BICC1: variants seen among roughly 807,000 people sequenced by gnomAD.
The protein encoded by BICC1 is BicC family RNA binding protein 1, also known as protein bicaudal C homolog 1.
BICC1 carries 43 observed loss-of-function variants against 111.0 expected under a neutral mutation model. The ratio of observed to expected loss-of-function variants is 0.39; its 90% CI spans 0.30 to 0.50. BICC1 has a LOEUF of 0.50. BICC1 is among the 20% of genes least tolerant of loss of function. The pLI, the probability that BICC1 is intolerant of heterozygous loss-of-function variation, is 0.88. For synonymous variants in BICC1, 467 were observed against 434.4 expected, an observed-to-expected ratio of 1.07 and a Z score of -0.93; for missense variants, 1,091 against 1,203.2, an observed-to-expected ratio of 0.91 and a Z score of 1.38.
intron 1 of BICC1, among the ~76,000 whole-genome samples, chr10:58,549,878 G>A (rs1031647174): frequency 4.0e-5 from 6 of 151,676 alleles, no homozygotes; most frequent in African/African-American, 1.5e-4. Flanking sequence ...AGTAGAGACG[G>A]GTTTTTACCA....
intron 3 of BICC1, among the ~76,000 whole-genome samples, chr10:58,744,356 A>G (rs1415725753): frequency 6.6e-6 from 1 of 151,940 alleles, no homozygotes; most frequent in Admixed American, 6.6e-5. Context: ...TCCCCACTCA[A>G]TTTTTCTTCC....
At chr10:58,521,165 A>G (rs926056141) in intron 1 of BICC1, among the ~76,000 whole-genome samples, 6 of 152,150 alleles carry the variant, frequency 3.9e-5, no homozygotes, top group African/African-American at 1.4e-4. Context: ...AGGTGGCTAG[A>G]CAGTGGAATG....
At chr10:58,616,153 C>T (rs534065137) in intron 1 of BICC1, among the ~76,000 whole-genome samples, 17 of 152,130 alleles carry the variant, frequency 1.1e-4, no homozygotes, top group Non-Finnish European at 2.4e-4. Context: ...TGAATGCAGG[C>T]CTGGGGCTGT....
intron 3 of BICC1, among the ~76,000 whole-genome samples, chr10:58,724,379 CTGTG>C (rs879527332): frequency 1.3e-5 from 2 of 151,484 alleles, no homozygotes; most frequent in African/African-American, 4.8e-5. Context: ...AACTCTGTGT[CTGTG>C]TGTGTGTGTA....
chr10:58,758,733 T>G (rs1245827913), intron 3 of BICC1, among the ~76,000 whole-genome samples: 1 of 152,214 alleles, frequency 6.6e-6, no homozygotes, highest in South Asian at 2.1e-4. Flanking sequence ...TTTTATTTTT[T>G]ACTTGTGAAA....
chr10:58,588,280 C>G (rs565510740), intron 1 of BICC1, among the ~76,000 whole-genome samples: 1 of 152,260 alleles, frequency 6.6e-6, no homozygotes, highest in East Asian at 1.9e-4. Context: ...ATTTATTTGA[C>G]AAACACATTT....
chr10:58,700,222 G>A lies in BICC1; in HGVS notation c.238-1852G>A, dbSNP rs560867766. Among the ~76,000 whole-genome samples, 27 of 152,288 alleles carry A rather than the reference G, an allele frequency of 1.8e-4. 1 individual carries two copies. In the South Asian group the frequency reaches 5.2e-3, roughly 29 times the overall value. On this transcript the variant is annotated intron_variant, in intron 2 of 20. Coordinates refer to ENST00000373886, the MANE Select transcript of BICC1 (RefSeq NM_001080512.3). Reference sequence around the variant, plus strand: ...AAAATAATTGTGGTTGGGTTGGTGTGAGAGTAGAAAAGGATGGGGAGTTGG... The same window carrying A: ...AAAATAATTGTGGTTGGGTTGGTGTAAGAGTAGAAAAGGATGGGGAGTTGG...
At chr10:58,728,647 C>T (rs934569910) in intron 3 of BICC1, among the ~76,000 whole-genome samples, 5 of 152,040 alleles carry the variant, frequency 3.3e-5, no homozygotes, top group African/African-American at 1.2e-4. Context: ...ATTTACTTTG[C>T]CGCAATCCAT....
intron 1 of BICC1, among the ~76,000 whole-genome samples, chr10:58,579,895 A>C (rs1239883368): frequency 6.6e-6 from 1 of 151,956 alleles, no homozygotes; most frequent in Non-Finnish European, 1.5e-5. Context: ...TAGAATATAT[A>C]CTCTAGCTTA....
intron 1 of BICC1, among the ~76,000 whole-genome samples, chr10:58,533,875 T>A (rs988436446): frequency 6.6e-6 from 1 of 151,820 alleles, no homozygotes. Context: ...ACAAAATTAC[T>A]ACTAGCCATA....
At chr10:58,613,374 T>G (rs533125212) in intron 1 of BICC1, among the ~76,000 whole-genome samples, 1 of 151,948 alleles carries the variant, frequency 6.6e-6, no homozygotes, top group Non-Finnish European at 1.5e-5. Flanking sequence ...GATGAAGGAG[T>G]ATCAGTGTCT....
chr10:58,538,891 C>T (rs892751608), intron 1 of BICC1, among the ~76,000 whole-genome samples: 2 of 151,660 alleles, frequency 1.3e-5, no homozygotes, highest in African/African-American at 4.8e-5. Flanking sequence ...CTACTGTACC[C>T]CAGCCAGAAT....
intron 2 of BICC1, among the ~76,000 whole-genome samples, chr10:58,680,004 A>G (rs1839467206): frequency 6.6e-6 from 1 of 152,234 alleles, no homozygotes; most frequent in Non-Finnish European, 1.5e-5. Context: ...CATGCTAAAA[A>G]CACTCAATAA....
At chr10:58,659,278 A>G (rs1192688009) in intron 2 of BICC1, among the ~76,000 whole-genome samples, 1 of 152,220 alleles carries the variant, frequency 6.6e-6, no homozygotes, top group Non-Finnish European at 1.5e-5. Context: ...ATAAAGATGC[A>G]TATGTATGTT....
intron 3 of BICC1, among the ~76,000 whole-genome samples, chr10:58,747,359 A>G (rs989269960): frequency 2.0e-5 from 3 of 152,184 alleles, no homozygotes; most frequent in African/African-American, 7.2e-5. Context: ...TTAAAAAAAT[A>G]CAGAAATGAA....
At chr10:58,789,127 G>A (rs529640564) in intron 6 of BICC1, 135 bp from the exon 7 acceptor site, 12 of 674,554 alleles carry the variant, frequency 1.8e-5, no homozygotes, top group African/African-American at 1.6e-4. Context: ...TTTATATAAT[G>A]TAGCTAAACT....
chr10:58,719,093 C>T lies in BICC1; in HGVS notation c.307+16950C>T, dbSNP rs369348321. 5.4e-4 allele frequency among the ~76,000 whole-genome samples: 82 copies of T among 152,184 alleles called. 1 individual carries two copies. The highest frequency in any genetic ancestry group is 1.8e-3 in the African/African-American group (74 of 41,514). ...TTGTCTCCATTTCTAGAATGGTATC[C>T]ATATGTAAAAGTATTTAATTTTTGG... On this transcript the variant is annotated intron_variant, in intron 3 of 20. Transcript: ENST00000373886.
chr10:58,780,228 TAAAA>T (rs1469364441), intron 3 of BICC1, among the ~76,000 whole-genome samples: 1 of 152,246 alleles, frequency 6.6e-6, no homozygotes, highest in Non-Finnish European at 1.5e-5. Flanking sequence ...TTTATGTACA[TAAAA>T]TGTACCACAG....
intron 20 of BICC1, among the ~76,000 whole-genome samples, chr10:58,820,924 T>C (rs1332257958): frequency 6.6e-6 from 1 of 152,158 alleles, no homozygotes; most frequent in Non-Finnish European, 1.5e-5. Flanking sequence ...GTTACTTGTC[T>C]TAATTCTTCT....
Sources: gnomAD v4.1 joint callset for allele counts (sites outside exome capture counted in the v4.1 genomes callset) on GRCh38, gnomAD v4.1.1 for gene constraint, MANE v1.5 for transcripts, NCBI Gene and HGNC (gene_info 2026-07-23, HGNC 2026-07-21) for gene names.